CDH13: variants seen among roughly 807,000 people sequenced by gnomAD.
CDH13 encodes the protein cadherin-13.
Under a neutral mutation model 63.8 loss-of-function variants are expected in CDH13, and 24 were observed. The observed-to-expected ratio is 0.38, with a 90% CI of 0.27 to 0.53. The LOEUF is 0.53. Among genes scored for constraint, CDH13 ranks in the 20% least tolerant of loss-of-function variants. The pLI is 0.85. For synonymous variants in CDH13, 503 were observed against 355.3 expected (o/e 1.42, Z -4.67); for missense variants, 1,049 against 903.1 (o/e 1.16, Z -2.07).
chr16:82,967,154 G>A (rs1015957958), intron 2 of CDH13, among the ~76,000 whole-genome samples: 3 of 151,996 alleles, frequency 2.0e-5, no homozygotes, highest in Non-Finnish European at 4.4e-5. Flanking sequence ...AGAAACAGCT[G>A]GAAAGAAAGT....
intron 4 of CDH13, among the ~76,000 whole-genome samples, chr16:83,146,140 G>A (rs1379958232): frequency 1.4e-5 from 2 of 143,176 alleles, no homozygotes; most frequent in African/African-American, 2.7e-5. Flanking sequence ...GTTACAGTGA[G>A]CCAAGATTGT....
chr16:83,360,166 C>T (rs546877356), intron 6 of CDH13, among the ~76,000 whole-genome samples: 1 of 152,184 alleles, frequency 6.6e-6, no homozygotes, highest in Admixed American at 6.5e-5. Context: ...AATTTGCTCT[C>T]GCCATAGGAA....
intron 2 of CDH13, among the ~76,000 whole-genome samples, chr16:82,892,250 C>T (rs1302863966): frequency 3.9e-5 from 6 of 152,170 alleles, no homozygotes; most frequent in African/African-American, 4.8e-5. Context: ...TGGTGGTGGA[C>T]GTACAAAACA....
At chr16:83,062,973 T>TTC (rs2031693949) in intron 3 of CDH13, among the ~76,000 whole-genome samples, 1 of 151,758 alleles carries the variant, frequency 6.6e-6, no homozygotes, top group East Asian at 1.9e-4. Context: ...TTTTTTTTTT[T>TTC]TTTTTTTGAG....
chr16:83,373,655 G>A (rs958548500), intron 6 of CDH13, among the ~76,000 whole-genome samples: 5 of 152,280 alleles, frequency 3.3e-5, no homozygotes, highest in Non-Finnish European at 4.4e-5. Context: ...CAAAATATTT[G>A]TGGATTAAAG....
At chr16:83,679,989 T>C (rs967724310) in intron 10 of CDH13, among the ~76,000 whole-genome samples, 5 of 151,962 alleles carry the variant, frequency 3.3e-5, no homozygotes, top group Non-Finnish European at 5.9e-5. Flanking sequence ...GGACAGACAG[T>C]GGGAGAGGAA....
intron 1 of CDH13, among the ~76,000 whole-genome samples, chr16:82,719,882 A>G (rs1469841717): frequency 6.6e-6 from 1 of 150,810 alleles, no homozygotes; most frequent in Non-Finnish European, 1.5e-5. Context: ...TTACTGTACC[A>G]TATGTCCTCA....
At chr16:83,288,260 G>A (rs1156733797) in intron 5 of CDH13, among the ~76,000 whole-genome samples, 1 of 152,172 alleles carries the variant, frequency 6.6e-6, no homozygotes, top group Non-Finnish European at 1.5e-5. Context: ...GCCTGTCCTT[G>A]AGTGCTGTGT....
At chr16:82,921,202 A>G (rs1350377958) in intron 2 of CDH13, among the ~76,000 whole-genome samples, 1 of 152,160 alleles carries the variant, frequency 6.6e-6, no homozygotes, top group African/African-American at 2.4e-5. Context: ...ATTTTCTTAC[A>G]GTTCTGGAGC....
At chr16:82,918,582 C>A (rs1417970475) in intron 2 of CDH13, among the ~76,000 whole-genome samples, 1 of 149,936 alleles carries the variant, frequency 6.7e-6, no homozygotes, top group Non-Finnish European at 1.5e-5. Flanking sequence ...TATCTCCGAT[C>A]CCTGGAACTT....
At chr16:83,466,951 T>G (rs1296895917) in intron 6 of CDH13, among the ~76,000 whole-genome samples, 2 of 152,202 alleles carry the variant, frequency 1.3e-5, no homozygotes, top group Non-Finnish European at 2.9e-5. Context: ...CCATCTAGAC[T>G]GCCGACTAAC....
intron 1 of CDH13, among the ~76,000 whole-genome samples, chr16:82,718,909 T>A (rs1362820937): frequency 6.6e-6 from 1 of 152,140 alleles, no homozygotes; most frequent in Non-Finnish European, 1.5e-5. Context: ...TGAAAGGAGT[T>A]GAGATGGAAC....
At chr16:83,368,192 T>C (rs1310859222) in intron 6 of CDH13, among the ~76,000 whole-genome samples, 1 of 152,270 alleles carries the variant, frequency 6.6e-6, no homozygotes, top group Non-Finnish European at 1.5e-5. Context: ...CTTCATTTAT[T>C]TGCTCAAATC....
rs560453226 is a variant in CDH13 at position 83,351,343 on chromosome 16, C to G, written c.781+6337C>G. 3.4e-5 allele frequency among the ~76,000 whole-genome samples: 4 copies of G among 117,070 alleles called. No homozygotes were observed. In the East Asian group the frequency reaches 9.5e-4, roughly 28 times the overall value. 76.8% of individuals were successfully genotyped at this position (117,070 alleles called of 152,430 possible). A position where few individuals can be genotyped will look rare whatever the true frequency, so the allele number is the denominator to read the frequency against. The stretch of plus-strand genomic sequence containing the variant: ...AAAAAATAAATAAAGCAATTCTGTT[C>G]TTTTCAAGTGAAAGAAAATGCAGTC... On this transcript the variant is annotated intron_variant, in intron 6 of 13. Coordinates refer to ENST00000567109, the MANE Select transcript of CDH13 (RefSeq NM_001257.5).
intron 4 of CDH13, among the ~76,000 whole-genome samples, chr16:83,214,200 G>C (rs1474556972): frequency 1.3e-5 from 2 of 152,088 alleles, no homozygotes; most frequent in Non-Finnish European, 2.9e-5. Context: ...CAGAGAAGAG[G>C]TGAGTGTGCT....
intron 6 of CDH13, among the ~76,000 whole-genome samples, chr16:83,376,627 C>T (rs975033845): frequency 1.3e-5 from 2 of 151,950 alleles, no homozygotes; most frequent in African/African-American, 2.4e-5. Flanking sequence ...ATGACAAGGG[C>T]TTGGTCTCAG....
At chr16:82,635,128 T>C (rs1908495673) in intron 1 of CDH13, among the ~76,000 whole-genome samples, 1 of 152,268 alleles carries the variant, frequency 6.6e-6, no homozygotes, top group African/African-American at 2.4e-5. Flanking sequence ...CACTAGACTA[T>C]AAGCTCTGTT....
chr16:83,693,951 C>G (rs1284513838), intron 10 of CDH13, among the ~76,000 whole-genome samples: 3 of 152,180 alleles, frequency 2.0e-5, no homozygotes, highest in East Asian at 1.9e-4. Flanking sequence ...TCAGAGGAGA[C>G]TGTTCCTGTG....
chr16:82,956,323 G>A (rs1906091667), intron 2 of CDH13, among the ~76,000 whole-genome samples: 1 of 151,522 alleles, frequency 6.6e-6, no homozygotes, highest in Non-Finnish European at 1.5e-5. Flanking sequence ...ATTATCTCTT[G>A]CCTGCAACCT....
Sources: allele counts gnomAD v4.1 joint callset (sites outside exome capture counted in the v4.1 genomes callset), GRCh38; gene constraint gnomAD v4.1.1; transcripts MANE v1.5; gene names NCBI Gene and HGNC (gene_info 2026-07-23, HGNC 2026-07-21).